KALRN: variants seen among roughly 807,000 people sequenced by gnomAD.
KALRN encodes kalirin.
Under a neutral mutation model 353.7 loss-of-function variants are expected in KALRN, and 70 were observed. That is an observed-to-expected ratio of 0.20 (90% CI 0.16 to 0.24). The LOEUF is 0.24. KALRN is among the 10% of genes least tolerant of loss of function. The pLI, the probability that KALRN is intolerant of heterozygous loss-of-function variation, is 1.00. For missense variants in KALRN, 2,791 were observed against 3,756.7 expected (o/e 0.74, Z 6.72); for synonymous variants, 1,391 against 1,434.8 (o/e 0.97, Z 0.69).
At chr3:124,397,509 G>C (rs1411760356) in intron 12 of KALRN, among the ~76,000 whole-genome samples, 2 of 152,120 alleles carry the variant, frequency 1.3e-5, no homozygotes, top group Non-Finnish European at 2.9e-5. Context: ...CTTGTCCTTT[G>C]ACTCCTTAAA....
intron 33 of KALRN, among the ~76,000 whole-genome samples, chr3:124,555,950 A>T (rs891710113): frequency 6.6e-6 from 1 of 152,186 alleles, no homozygotes; most frequent in African/African-American, 2.4e-5. Context: ...TTAGAGATTC[A>T]ATATAGAAAC....
Position 124,309,904 on chromosome 3 carries a change from A to G in KALRN, c.1092+10991A>G, listed in dbSNP as rs190302021. 2.8e-3 allele frequency among the ~76,000 whole-genome samples: 426 copies of G among 152,340 alleles called. 8 individuals are homozygous for G. Among genetic ancestry groups the G allele is most frequent in the East Asian group, 2.1e-3 (11 of 5,188 alleles). ...ACGACACTCTTGCCCCTTCCATTCA[A>G]TATTGGAGGGTCTATTCAGGGCAAT... On this transcript the variant is annotated intron_variant, in intron 6 of 59. Coordinates refer to ENST00000682506, the MANE Select transcript of KALRN (RefSeq NM_001388419.1).
At chr3:124,563,214 T>C in intron 34 of KALRN, 125 bp downstream of exon 34, 1 of 1,034,250 alleles carries the variant, frequency 9.7e-7, no homozygotes, top group Non-Finnish European at 1.3e-6. Flanking sequence ...TGGGGTTTCT[T>C]TGGGACCTGA....
chr3:124,057,382 G>A (rs2041644506), intron 1 of KALRN, among the ~76,000 whole-genome samples: 1 of 152,086 alleles, frequency 6.6e-6, no homozygotes. Context: ...GAACCAGAGG[G>A]GGAAGCCTGG....
At chr3:124,215,085 G>T (rs2077204240) in intron 1 of KALRN, among the ~76,000 whole-genome samples, 1 of 152,156 alleles carries the variant, frequency 6.6e-6, no homozygotes, top group South Asian at 2.1e-4. Context: ...AAGGAACAAG[G>T]CCTGCCAACT....
At chr3:124,443,913 T>C (rs1415881237) in intron 19 of KALRN, among the ~76,000 whole-genome samples, 3 of 152,204 alleles carry the variant, frequency 2.0e-5, no homozygotes, top group Non-Finnish European at 4.4e-5. Context: ...AATGGGTTTC[T>C]ACTCCTTCCT....
At chr3:124,109,051 G>T (rs1184023987) in intron 1 of KALRN, among the ~76,000 whole-genome samples, 1 of 152,112 alleles carries the variant, frequency 6.6e-6, no homozygotes, top group Non-Finnish European at 1.5e-5. Context: ...CTCTTAACAA[G>T]AAGTTTAGAA....
chr3:124,152,552 C>CT (rs138977397), intron 1 of KALRN: 13,714 of 234,558 alleles, frequency 0.058, 451 homozygotes, highest in Middle Eastern at 0.075. Context: ...TTTTCTTTTT[C>CT]TTTTCTTTTC....
intron 1 of KALRN, among the ~76,000 whole-genome samples, chr3:124,157,223 A>C (rs984735076): frequency 3.3e-5 from 5 of 152,234 alleles, no homozygotes; most frequent in African/African-American, 1.2e-4. Flanking sequence ...GTCATTCTAC[A>C]GACAAGGACC....
intron 1 of KALRN, among the ~76,000 whole-genome samples, chr3:124,176,208 A>G (rs1357665312): frequency 6.6e-6 from 1 of 152,020 alleles, no homozygotes; most frequent in Non-Finnish European, 1.5e-5. Flanking sequence ...TACCTCCTAG[A>G]ACAGTGACTT....
chr3:124,064,862 A>G (rs1443872922), intron 1 of KALRN, among the ~76,000 whole-genome samples: 5 of 152,164 alleles, frequency 3.3e-5, no homozygotes, highest in Non-Finnish European at 7.4e-5. Flanking sequence ...CAAGGACAAA[A>G]TGTTGACCCC....
At chr3:124,293,439 CAAT>C (rs1560483494) in intron 5 of KALRN, among the ~76,000 whole-genome samples, 1 of 152,008 alleles carries the variant, frequency 6.6e-6, no homozygotes, top group East Asian at 1.9e-4. Context: ...AAAAAAAGAA[CAAT>C]AATAACATTT....
At position 124,632,408 on chromosome 3, in the gene KALRN, C is replaced by T. The variant is rs776565995; in HGVS notation, c.5183-12C>T. 12 of 1,612,606 alleles carry T rather than the reference C, an allele frequency of 7.4e-6. No individual in the cohort carries two copies. Among genetic ancestry groups the T allele is most frequent in the African/African-American group, 1.3e-5 (1 of 74,966 alleles). The stretch of plus-strand genomic sequence containing the variant: ...CACCTCTGACATGGCTGTGTCTGTC[C>T]GTTTTCCTCAGATGCATACTCTCAT... On this transcript the variant is annotated splice_polypyrimidine_tract_variant and intron_variant, in intron 34 of 59. Transcript: ENST00000682506.
At chr3:124,562,717 C>A in intron 33 of KALRN, 126 bp from the exon 34 acceptor site, 1 of 847,682 alleles carries the variant, frequency 1.2e-6, no homozygotes, top group Non-Finnish European at 1.6e-6. Flanking sequence ...CTCTTTATTC[C>A]CCTTCTCTTC....
rs2059968050 is a variant in KALRN, at chr3:124,462,696, C to G, written c.4031+63C>G. The G allele has an allele frequency of 5.4e-6, 5 of 928,996 alleles. No homozygotes were observed. The Admixed American group carries it at 9.8e-5, about 18-fold the overall frequency. 57.5% of individuals were successfully genotyped at this position (928,996 alleles called of 1,614,324 possible). The stretch of plus-strand genomic sequence containing the variant: ...CCGTAAAAACCAGACAACAGGGTTC[C>G]CAAGAAGTGGATCAAAGGCGATTGG... On this transcript the variant is annotated intron_variant, in intron 25 of 59. Transcript: ENST00000682506.
chr3:124,698,740 A>G (rs2062179270), intron 55 of KALRN, among the ~76,000 whole-genome samples: 1 of 152,232 alleles, frequency 6.6e-6, no homozygotes, highest in Non-Finnish European at 1.5e-5. Flanking sequence ...CCCTATCCCC[A>G]GATAAAATTA....
At chr3:124,413,774 AC>A in intron 14 of KALRN, 109 bp downstream of exon 14, 1 of 904,604 alleles carries the variant, frequency 1.1e-6, no homozygotes. Context: ...TCCTACAGAT[AC>A]AAAGAATAGA....
intron 1 of KALRN, among the ~76,000 whole-genome samples, chr3:124,148,875 G>A (rs1307727035): frequency 1.3e-5 from 2 of 152,162 alleles, no homozygotes; most frequent in East Asian, 1.9e-4. Context: ...TTCCTTTCAT[G>A]TGTTTTAAAA....
intron 1 of KALRN, among the ~76,000 whole-genome samples, chr3:124,076,501 C>A (rs1403166435): frequency 1.3e-5 from 2 of 152,182 alleles, no homozygotes; most frequent in African/African-American, 4.8e-5. Flanking sequence ...TGTTAATGAA[C>A]CTTCATCCGC....
Sources: gnomAD v4.1 joint callset for allele counts (sites outside exome capture counted in the v4.1 genomes callset) on GRCh38, gnomAD v4.1.1 for gene constraint, MANE v1.5 for transcripts, NCBI Gene and HGNC (gene_info 2026-07-23, HGNC 2026-07-21) for gene names.